BRINP1: variants seen among roughly 807,000 people sequenced by gnomAD.
The protein encoded by BRINP1 is BMP/retinoic acid inducible neural specific 1.
BRINP1 carries 17 observed loss-of-function variants against 72.9 expected under a neutral mutation model. The observed-to-expected ratio is 0.23, with a 90% CI of 0.16 to 0.35. BRINP1 has a LOEUF of 0.35. Ranked by LOEUF, BRINP1 falls within the 10% of genes least tolerant of loss-of-function variation. The pLI, the probability that BRINP1 is intolerant of heterozygous loss-of-function variation, is 1.00. For missense variants in BRINP1, 850 were observed against 1,001.6 expected, an observed-to-expected ratio of 0.85 and a Z score of 2.04; for synonymous variants, 418 against 378.5, an observed-to-expected ratio of 1.10 and a Z score of -1.21.
intron 7 of BRINP1, among the ~76,000 whole-genome samples, chr9:119,172,536 G>A (rs1431969771): frequency 1.7e-4 from 26 of 151,272 alleles, no homozygotes; most frequent in East Asian, 1.4e-3. Context: ...ATTCACAGCC[G>A]AATTCTACCA....
chr9:119,167,669 A>G lies in BRINP1; in HGVS notation c.1701T>C (p.Phe567=). The change falls in exon 8 of 8, where the codon TTT becomes TTC. Residue 567 remains phenylalanine (F), a synonymous_variant. Transcript: ENST00000265922. This position sits in a 1 kb window ranked among gnomAD's most constrained non-coding sequence, Gnocchi z 4.3. ...DPMFFVYVNP[F]SGSHSEGWNM... is the part of the protein sequence containing the mutation. ...TCCAGCCCTCCGAATGGCTCCCGCT[A>G]AAGGGGTTGACATAGACAAAGAACA... 1 of 1,614,058 alleles carries G rather than the reference A, an allele frequency of 6.2e-7. No individual in the cohort carries two copies. Among genetic ancestry groups the G allele is most frequent in the Non-Finnish European group, 8.5e-7 (1 of 1,180,028 alleles).
Position 119,313,239 on chromosome 9 carries a change from A to G in BRINP1, c.117T>C (p.Asp39=), listed in dbSNP as rs2118995218. The change falls in exon 2 of 8, where the codon GAT becomes GAC. Residue 39 remains aspartate, a synonymous_variant. Coordinates refer to ENST00000265922, the MANE Select transcript of BRINP1 (RefSeq NM_014618.3). ...GTDQHVSKEF[D]WLISDRGPFH... ...AAGGCCCCCTGTCTGAAATGAGCCA[A>G]TCAAATTCCTTGGAGACATGTTGGT... The G allele has an allele frequency of 1.2e-6, 2 of 1,614,184 alleles. No homozygotes were observed. Among genetic ancestry groups the G allele is most frequent in the East Asian group, 4.5e-5 (2 of 44,858 alleles).
Position 119,167,664 on chromosome 9 carries a change from C to T in BRINP1, c.1706G>A (p.Gly569Glu). The change falls in exon 8 of 8, where the codon GGG (glycine) becomes GAG (glutamate). Residue 569 changes from glycine to glutamate, a missense_variant. Physicochemically the swap from Gly to Glu is moderately conservative, Grantham distance 98 (BLOSUM62 -2). Coordinates refer to ENST00000265922, the MANE Select transcript of BRINP1 (RefSeq NM_014618.3). The surrounding 1 kb of genome is among the most constrained non-coding windows in gnomAD (Gnocchi z 4.3). ...MFFVYVNPFSGSHSEGWNMPF... is the reference protein window; with the variant it reads ...MFFVYVNPFSESHSEGWNMPF... ...CATGTTCCAGCCCTCCGAATGGCTC[C>T]CGCTAAAGGGGTTGACATAGACAAA... The T allele has an allele frequency of 6.2e-7, 1 of 1,614,112 alleles. No individual in the cohort carries two copies. The highest frequency in any genetic ancestry group is 8.5e-7 in the Non-Finnish European group (1 of 1,180,032).
intron 7 of BRINP1, among the ~76,000 whole-genome samples, chr9:119,195,828 C>A (rs1435189475): frequency 3.9e-5 from 6 of 152,166 alleles, no homozygotes; most frequent in African/African-American, 9.7e-5. Context: ...AATATGACAA[C>A]CTGTGGTATC....
intron 2 of BRINP1, among the ~76,000 whole-genome samples, chr9:119,258,467 T>C (rs1830467104): frequency 6.6e-6 from 1 of 152,180 alleles, no homozygotes; most frequent in Non-Finnish European, 1.5e-5. Context: ...TTGTTTTATT[T>C]TACCCCAAAG....
At chr9:119,309,303 A>G (rs1161450468) in intron 2 of BRINP1, among the ~76,000 whole-genome samples, 1 of 152,320 alleles carries the variant, frequency 6.6e-6, no homozygotes, top group African/African-American at 2.4e-5. Context: ...ATTTGGTAAT[A>G]AATCAGGTAA....
chr9:119,361,789 G>A (rs1040224571), intron 1 of BRINP1, among the ~76,000 whole-genome samples: 1 of 129,898 alleles, frequency 7.7e-6, no homozygotes, highest in Non-Finnish European at 1.6e-5. Context: ...CCCAGCTACA[G>A]TTTTTGCATT....
intron 1 of BRINP1, among the ~76,000 whole-genome samples, chr9:119,364,546 C>A (rs1345908160): frequency 6.6e-6 from 1 of 152,200 alleles, no homozygotes; most frequent in Non-Finnish European, 1.5e-5. Context: ...ATTCCTAGCA[C>A]CTATTGAACA....
intron 2 of BRINP1, among the ~76,000 whole-genome samples, chr9:119,297,483 A>G (rs1416378077): frequency 6.6e-6 from 1 of 152,156 alleles, no homozygotes; most frequent in Non-Finnish European, 1.5e-5. Context: ...CTGAGCCTCA[A>G]TTTCCTCATC....
intron 1 of BRINP1, among the ~76,000 whole-genome samples, chr9:119,359,450 C>T (rs1427260522): frequency 6.6e-6 from 1 of 152,194 alleles, no homozygotes; most frequent in Non-Finnish European, 1.5e-5. Context: ...GATCTTCCTG[C>T]CTCAGCCTCC....
At chr9:119,323,059 G>A (rs1288462717) in intron 1 of BRINP1, among the ~76,000 whole-genome samples, 2 of 152,162 alleles carry the variant, frequency 1.3e-5, no homozygotes, top group African/African-American at 4.8e-5. Flanking sequence ...ATCACAGCAT[G>A]AAAAGTAAGA....
At chr9:119,235,455 CT>C (rs1331451452) in intron 5 of BRINP1, among the ~76,000 whole-genome samples, 1 of 152,094 alleles carries the variant, frequency 6.6e-6, no homozygotes, top group East Asian at 1.9e-4. Flanking sequence ...TCCTATATAT[CT>C]TTTTGGCAGA....
chr9:119,178,517 C>A (rs1829514895), intron 7 of BRINP1, among the ~76,000 whole-genome samples: 1 of 152,320 alleles, frequency 6.6e-6, no homozygotes, highest in Middle Eastern at 3.4e-3. Flanking sequence ...CTATCTCCAG[C>A]CAGTTCTCTC....
At position 119,167,372 on chromosome 9, in the gene BRINP1, G is replaced by A. The variant is rs148823155; in HGVS notation, c.1998C>T (p.Ala666=). 1.4e-4 allele frequency: 227 copies of A among 1,614,078 alleles called. No homozygotes were observed. The highest frequency in any genetic ancestry group is 1.0e-3 in the African/African-American group (76 of 75,032). Reference sequence around the variant, plus strand: ...GCTGCACTGCACTGCGCAGGAGGTCGGCGTTGAACCTCAGGCTATACCCAA... The same window carrying A: ...GCTGCACTGCACTGCGCAGGAGGTCAGCGTTGAACCTCAGGCTATACCCAA... The part of the protein sequence containing the change: ...QVFGYSLRFN[A]DLLRSAVQQV... The change falls in exon 8 of 8, where the codon GCC becomes GCT. Residue 666 remains alanine (A), a synonymous_variant. Coordinates refer to ENST00000265922, the MANE Select transcript of BRINP1 (RefSeq NM_014618.3). The surrounding 1 kb of genome is among the most constrained non-coding windows in gnomAD (Gnocchi z 4.3).
intron 1 of BRINP1, among the ~76,000 whole-genome samples, chr9:119,366,953 C>G (rs1831698831): frequency 6.6e-6 from 1 of 151,750 alleles, no homozygotes; most frequent in Non-Finnish European, 1.5e-5. Flanking sequence ...TGAGGCAGTT[C>G]CCAAAAATGG....
intron 7 of BRINP1, among the ~76,000 whole-genome samples, chr9:119,201,243 A>T (rs1182891849): frequency 2.6e-5 from 4 of 152,186 alleles, no homozygotes; most frequent in Non-Finnish European, 5.9e-5. Context: ...TTTACTTTGA[A>T]CTATAGGCTA....
chr9:119,315,555 T>C (rs569176068), intron 1 of BRINP1, among the ~76,000 whole-genome samples: 11 of 152,084 alleles, frequency 7.2e-5, no homozygotes, highest in African/African-American at 2.7e-4. Flanking sequence ...TTAAGCCAAT[T>C]AGTAAACCTA....
At chr9:119,313,038 C>T (rs2118994844) in intron 2 of BRINP1, 100 bp downstream of exon 2, 1 of 1,368,430 alleles carries the variant, frequency 7.3e-7, no homozygotes, top group East Asian at 2.5e-5. Context: ...GACCCTTGAC[C>T]CAGACACTTC....
intron 7 of BRINP1, among the ~76,000 whole-genome samples, chr9:119,205,312 C>A (rs1378411535): frequency 6.6e-6 from 1 of 152,086 alleles, no homozygotes; most frequent in African/African-American, 2.4e-5. Flanking sequence ...AATTGAGTGA[C>A]CTGCTAATGG....
Sources: gnomAD v4.1 joint callset for allele counts (sites outside exome capture counted in the v4.1 genomes callset) on GRCh38, gnomAD v4.1.1 for gene constraint, Gnocchi (gnomAD v3.1) non-coding constraint, MANE v1.5 for transcripts, NCBI Gene and HGNC (gene_info 2026-07-23, HGNC 2026-07-21) for gene names.